Variants in SGIP1 observed in about 807,000 individuals in gnomAD.
The protein encoded by SGIP1 is SH3-containing GRB2-like protein 3-interacting protein 1.
In SGIP1, 38 loss-of-function variants were observed where a neutral mutation model predicts 107.5. That is an observed-to-expected ratio of 0.35 (90% confidence interval 0.27 to 0.46). SGIP1 has a LOEUF of 0.46. SGIP1 is among the 20% of genes least tolerant of loss of function. The probability of loss-of-function intolerance (pLI) is 1.00; values close to 1 mark genes in which losing one functional copy is unlikely to be tolerated. For synonymous variants in SGIP1, 365 were observed against 366.1 expected, an observed-to-expected ratio of 1.00 and a Z score of 0.03; for missense variants, 929 against 1,019.5, an observed-to-expected ratio of 0.91 and a Z score of 1.21.
Position 66,643,566 on chromosome 1 carries a change from T to C in SGIP1, c.306T>C (p.Tyr102=), listed in dbSNP as rs1277659024. 4 of 1,608,978 alleles carry C rather than the reference T, an allele frequency of 2.5e-6. No individual in the cohort carries two copies. In the East Asian group the frequency reaches 9.0e-5, roughly 36 times the overall value. ...EPGSTKGKHF[Y]SSSESEEEEE... The stretch of plus-strand genomic sequence containing the variant: ...TACCTACCAAAGGAAAGCACTTTTA[T>C]TCTTCAAGTGAATCGGAAGAAGAAG... Residue 102 remains tyrosine, a synonymous_variant, in exon 7 of 25, where the codon TAT becomes TAC. Coordinates refer to ENST00000371037, the MANE Select transcript of SGIP1 (RefSeq NM_032291.4).
intron 9 of SGIP1, among the ~76,000 whole-genome samples, chr1:66,667,893 T>C (rs1390501478): frequency 5.9e-5 from 9 of 152,132 alleles, no homozygotes; most frequent in Non-Finnish European, 1.2e-4. Flanking sequence ...AGCAAAGAGA[T>C]AATAAAGAAT....
chr1:66,644,933 G>T (rs1296159675), intron 7 of SGIP1, among the ~76,000 whole-genome samples: 1 of 152,216 alleles, frequency 6.6e-6, no homozygotes, highest in Admixed American at 6.5e-5. Context: ...GGAAGGTGCA[G>T]ATTTTAAAGT....
intron 8 of SGIP1, 111 bp downstream of exon 8, chr1:66,660,635 A>G (rs2149712329): frequency 9.6e-7 from 1 of 1,039,026 alleles, no homozygotes; most frequent in South Asian, 1.3e-5. Context: ...AAGGTTTTGA[A>G]CTTTAAAAAC....
intron 17 of SGIP1, among the ~76,000 whole-genome samples, chr1:66,692,335 A>G (rs1316779734): frequency 3.3e-5 from 5 of 152,126 alleles, no homozygotes; most frequent in Admixed American, 6.5e-5. Context: ...AAATAGCCAC[A>G]TAAGAGGATA....
intron 21 of SGIP1, 92 bp downstream of exon 21, chr1:66,733,972 T>G: frequency 7.4e-7 from 1 of 1,356,182 alleles, no homozygotes; most frequent in Non-Finnish European, 9.8e-7. Flanking sequence ...AAAGTAACAC[T>G]TCTTTTAACA....
intron 2 of SGIP1, among the ~76,000 whole-genome samples, chr1:66,627,677 A>T (rs1295994203): frequency 6.6e-6 from 1 of 152,056 alleles, no homozygotes; most frequent in Non-Finnish European, 1.5e-5. Context: ...TGTCCTGCAA[A>T]TTTTTCTAAA....
intron 3 of SGIP1, among the ~76,000 whole-genome samples, chr1:66,635,713 C>G (rs1336949872): frequency 6.6e-6 from 1 of 152,168 alleles, no homozygotes; most frequent in Non-Finnish European, 1.5e-5. Context: ...CTCCTCCTCC[C>G]TTCTTCTCTT....
chr1:66,615,598 T>C (rs894905728), intron 1 of SGIP1, among the ~76,000 whole-genome samples: 1 of 152,242 alleles, frequency 6.6e-6, no homozygotes, highest in Non-Finnish European at 1.5e-5. Context: ...TTATCCAGTA[T>C]ATTTTCTTTT....
At position 66,670,941 on chromosome 1, in the gene SGIP1, T is replaced by C. The variant is rs974957063; in HGVS notation, c.484-54T>C. ...TTGCAATGACAGAAATAATACATAT[T>C]GTACATAACATATATGTGGTCTTAA... On this transcript the variant is annotated intron_variant, in intron 9 of 24. Coordinates refer to ENST00000371037, the MANE Select transcript of SGIP1 (RefSeq NM_032291.4). 14 of 813,512 alleles carry C rather than the reference T, an allele frequency of 1.7e-5. No individual in the cohort carries two copies. The Admixed American group carries it at 4.1e-4, about 24-fold the overall frequency. 50.4% of individuals were successfully genotyped at this position (813,512 alleles called of 1,614,324 possible). A position where few individuals can be genotyped will look rare whatever the true frequency, so the allele number is the denominator to read the frequency against.
intron 1 of SGIP1, among the ~76,000 whole-genome samples, chr1:66,581,564 A>G (rs1569956462): frequency 6.6e-6 from 1 of 152,172 alleles, no homozygotes; most frequent in South Asian, 2.1e-4. Context: ...ATAAATAAGA[A>G]TTATTTATGA....
At chr1:66,639,918 A>G in intron 5 of SGIP1, 85 bp downstream of exon 5, 1 of 1,064,630 alleles carries the variant, frequency 9.4e-7, no homozygotes, top group Non-Finnish European at 1.4e-6. Flanking sequence ...GGACTTAGAA[A>G]TAAGCGAAAT....
intron 7 of SGIP1, among the ~76,000 whole-genome samples, chr1:66,658,362 T>C (rs17129280): frequency 0.14 from 21,369 of 152,194 alleles, 2,310 homozygotes; most frequent in East Asian, 0.52. Flanking sequence ...TTTAGAACAT[T>C]TGCAACATGT....
chr1:66,698,586 G>A (rs185114876), intron 18 of SGIP1, among the ~76,000 whole-genome samples: 1 of 152,140 alleles, frequency 6.6e-6, no homozygotes, highest in East Asian at 1.9e-4. Flanking sequence ...CACCGTGTTA[G>A]CCAGGATGGT....
intron 1 of SGIP1, among the ~76,000 whole-genome samples, chr1:66,564,889 G>C (rs954410419): frequency 8.6e-5 from 13 of 151,934 alleles, no homozygotes; most frequent in Non-Finnish European, 1.9e-4. Flanking sequence ...GCTTGCAATA[G>C]TACTAGTGAG....
chr1:66,611,867 G>T (rs1311389889), intron 1 of SGIP1, among the ~76,000 whole-genome samples: 1 of 152,158 alleles, frequency 6.6e-6, no homozygotes, highest in Non-Finnish European at 1.5e-5. Flanking sequence ...GACAGATTCA[G>T]CTTTAGTTTA....
chr1:66,666,324 G>T, intron 8 of SGIP1: 1 of 171,752 alleles, frequency 5.8e-6, no homozygotes, highest in South Asian at 1.2e-4. Flanking sequence ...CTGTTCCATT[G>T]GTCTATATCT....
At chr1:66,670,438 A>G (rs1357211894) in intron 9 of SGIP1, among the ~76,000 whole-genome samples, 1 of 152,232 alleles carries the variant, frequency 6.6e-6, no homozygotes, top group Non-Finnish European at 1.5e-5. Context: ...GGATGAGTGC[A>G]TAGGTGGAAT....
intron 21 of SGIP1, among the ~76,000 whole-genome samples, chr1:66,738,877 A>G (rs944997678): frequency 9.2e-5 from 14 of 152,218 alleles, no homozygotes; most frequent in South Asian, 4.1e-4. Flanking sequence ...GTGTTTCACA[A>G]AAAAACACCT....
intron 1 of SGIP1, among the ~76,000 whole-genome samples, chr1:66,612,631 T>C (rs1172081713): frequency 2.0e-5 from 3 of 152,218 alleles, no homozygotes; most frequent in Non-Finnish European, 4.4e-5. Context: ...TCCAAACCCA[T>C]TTTCTCATTT....
Sources: gnomAD v4.1 joint callset for allele counts (sites outside exome capture counted in the v4.1 genomes callset) on GRCh38, gnomAD v4.1.1 for gene constraint, MANE v1.5 for transcripts, NCBI Gene and HGNC (gene_info 2026-07-23, HGNC 2026-07-21) for gene names.